The following AATF variants were observed in gnomAD, a reference collection of about 807,000 sequenced individuals.
AATF encodes the protein protein AATF.
A neutral mutation model predicts 63.7 loss-of-function variants in AATF; 48 were observed. That is an observed-to-expected ratio of 0.75 (90% CI 0.60 to 0.96). The LOEUF (loss-of-function observed/expected upper bound fraction) is 0.96, where lower values mean the gene tolerates loss of function less well. Among genes scored for constraint, AATF ranks in the 40% least tolerant of loss-of-function variants. The probability of loss-of-function intolerance (pLI) is 0.00; values close to 1 mark genes in which losing one functional copy is unlikely to be tolerated. For synonymous variants in AATF, 258 were observed against 247.7 expected (o/e 1.04, Z -0.39); for missense variants, 639 against 685.7 (o/e 0.93, Z 0.76).
Position 37,019,678 on chromosome 17 carries a change from A to G in AATF, c.1466+606A>G, listed in dbSNP as rs1434402438. Reference sequence around the variant, plus strand: ...GTGTACATTTAAATAGCCATGAGCCATAATTTGCAAAAGCATGAAAGGAAA... The same window carrying G: ...GTGTACATTTAAATAGCCATGAGCCGTAATTTGCAAAAGCATGAAAGGAAA... On this transcript the variant is annotated intron_variant, in intron 9 of 11. Transcript: ENST00000619387. Among the ~76,000 whole-genome samples, 24 of 152,256 alleles carry G rather than the reference A, an allele frequency of 1.6e-4. 1 individual carries two copies.
rs557884367 is a variant in AATF, at chr17:36,971,962, C to G, written c.833-14655C>G. 2.6e-5 allele frequency among the ~76,000 whole-genome samples: 4 copies of G among 152,314 alleles called. No homozygotes were observed. In the South Asian group the frequency reaches 8.3e-4, roughly 32 times the overall value. On this transcript the variant is annotated intron_variant, in intron 4 of 11. Coordinates refer to ENST00000619387, the MANE Select transcript of AATF (RefSeq NM_012138.4). ...TTTCTATGAGTTTCTATTTTCCTCTCCACTAATCTTGTTTCCTTGGAGTAT... is the reference window on the plus strand; with the variant it reads ...TTTCTATGAGTTTCTATTTTCCTCTGCACTAATCTTGTTTCCTTGGAGTAT...
chr17:36,954,601 A>G (rs1015826756), intron 4 of AATF, among the ~76,000 whole-genome samples: 1 of 152,176 alleles, frequency 6.6e-6, no homozygotes, highest in African/African-American at 2.4e-5. Context: ...ATGCCGAGGG[A>G]GAAACACATT....
At chr17:36,979,938 A>T (rs750830482) in intron 4 of AATF, among the ~76,000 whole-genome samples, 12 of 152,348 alleles carry the variant, frequency 7.9e-5, no homozygotes, top group Admixed American at 2.0e-4. Flanking sequence ...ATATAAATGA[A>T]TACCTAATAT....
At chr17:36,960,385 G>C (rs912697250) in intron 4 of AATF, among the ~76,000 whole-genome samples, 1 of 152,156 alleles carries the variant, frequency 6.6e-6, no homozygotes, top group East Asian at 1.9e-4. Context: ...TAAATTTTGC[G>C]TAAGCTGTGG....
chr17:37,021,493 G>C, intron 10 of AATF, among the ~76,000 whole-genome samples: 1 of 152,074 alleles, frequency 6.6e-6, no homozygotes, highest in Non-Finnish European at 1.5e-5. Context: ...GCTGGGTGTG[G>C]TGGCGGGTGC....
intron 2 of AATF, among the ~76,000 whole-genome samples, chr17:36,951,310 G>C (rs2070853144): frequency 6.6e-6 from 1 of 152,002 alleles, no homozygotes; most frequent in South Asian, 2.1e-4. Context: ...CATATTCTTT[G>C]CCTAGAGACT....
intron 10 of AATF, among the ~76,000 whole-genome samples, chr17:37,030,384 C>A (rs1392180193): frequency 1.3e-5 from 2 of 152,084 alleles, no homozygotes; most frequent in Non-Finnish European, 2.9e-5. Context: ...GTATTAAATA[C>A]ATGAAAATAC....
At chr17:37,049,186 C>T (rs1285066063) in intron 11 of AATF, among the ~76,000 whole-genome samples, 4 of 152,218 alleles carry the variant, frequency 2.6e-5, no homozygotes, top group African/African-American at 9.6e-5. Flanking sequence ...ACTCTGACAG[C>T]ACCTTCCAGC....
At chr17:37,053,899 G>A (rs1036641091) in intron 11 of AATF, among the ~76,000 whole-genome samples, 4 of 152,270 alleles carry the variant, frequency 2.6e-5, no homozygotes, top group Admixed American at 6.5e-5. Flanking sequence ...TTGAATGAAC[G>A]ATGAGTATCA....
At chr17:37,022,113 CGTGTGTGTGTGT>C (rs71159679) in intron 10 of AATF, among the ~76,000 whole-genome samples, 3 of 145,334 alleles carry the variant, frequency 2.1e-5, no homozygotes, top group East Asian at 2.0e-4. Context: ...TGGTAACTGC[CGTGTGTGTGTGT>C]GTGTGTGTGT....
chr17:37,002,460 G>A (rs1353583004), intron 8 of AATF, among the ~76,000 whole-genome samples: 1 of 151,046 alleles, frequency 6.6e-6, no homozygotes, highest in Non-Finnish European at 1.5e-5. Flanking sequence ...AAGGTCAGGA[G>A]ATTGAGACCA....
chr17:37,000,989 T>A (rs1248386288), intron 8 of AATF, among the ~76,000 whole-genome samples: 3 of 151,498 alleles, frequency 2.0e-5, no homozygotes, highest in African/African-American at 4.9e-5. Context: ...AATTCAGTAT[T>A]ATCCTGATAC....
intron 4 of AATF, among the ~76,000 whole-genome samples, chr17:36,962,565 A>AAT (rs1292234024): frequency 2.3e-3 from 334 of 145,582 alleles, no homozygotes; most frequent in African/African-American, 7.9e-3. Flanking sequence ...ATCAGAAACA[A>AAT]TTTTTTTTTT....
chr17:36,969,719 A>T (rs2071024127), intron 4 of AATF, among the ~76,000 whole-genome samples: 2 of 152,218 alleles, frequency 1.3e-5, no homozygotes, highest in East Asian at 1.9e-4. Flanking sequence ...TTTGACATTT[A>T]TATACACCCG....
intron 8 of AATF, among the ~76,000 whole-genome samples, chr17:37,015,954 G>A (rs2071425968): frequency 6.6e-6 from 1 of 152,200 alleles, no homozygotes; most frequent in Admixed American, 6.5e-5. Context: ...GTGGGTGGTA[G>A]AGGTGGTTAG....
At chr17:37,006,818 A>G (rs991549304) in intron 8 of AATF, among the ~76,000 whole-genome samples, 1 of 152,222 alleles carries the variant, frequency 6.6e-6, no homozygotes, top group Non-Finnish European at 1.5e-5. Context: ...GCTTTATTCA[A>G]TGAATGAATT....
intron 4 of AATF, among the ~76,000 whole-genome samples, chr17:36,965,604 G>C (rs957214180): frequency 6.6e-6 from 1 of 152,184 alleles, no homozygotes; most frequent in African/African-American, 2.4e-5. Flanking sequence ...TACCATCCCA[G>C]TGTTTTCCAG....
intron 11 of AATF, among the ~76,000 whole-genome samples, chr17:37,051,697 G>GACAGACAGAC: frequency 7.3e-6 from 1 of 137,228 alleles, no homozygotes; most frequent in East Asian, 2.1e-4. Context: ...CAGACAGACA[G>GACAGACAGAC]ACACACACAC....
At chr17:37,049,474 G>A (rs1240897932) in intron 11 of AATF, among the ~76,000 whole-genome samples, 4 of 152,002 alleles carry the variant, frequency 2.6e-5, no homozygotes, top group African/African-American at 7.2e-5. Flanking sequence ...GCGTGGTGGC[G>A]GGCACCTGTA....
Sources: allele counts gnomAD v4.1 joint callset (sites outside exome capture counted in the v4.1 genomes callset), GRCh38; gene constraint gnomAD v4.1.1; transcripts MANE v1.5; gene names NCBI Gene and HGNC (gene_info 2026-07-23, HGNC 2026-07-21).